RAB6A: variants seen among roughly 807,000 people sequenced by gnomAD.
RAB6A encodes RAB6A, member RAS oncogene family.
A neutral mutation model predicts 32.3 loss-of-function variants in RAB6A; 8 were observed. The ratio of observed to expected loss-of-function variants is 0.25; its 90% CI spans 0.15 to 0.45. The LOEUF (loss-of-function observed/expected upper bound fraction) is 0.45. Among genes scored for constraint, RAB6A ranks in the 20% least tolerant of loss-of-function variants. The pLI, the probability that RAB6A is intolerant of heterozygous loss-of-function variation, is 1.00. For synonymous variants in RAB6A, 73 were observed against 82.1 expected (o/e 0.89, Z 0.60); for missense variants, 104 against 249.4 (o/e 0.42, Z 3.93).
chr11:73,754,959 G>A (rs1340458749), intron 1 of RAB6A, among the ~76,000 whole-genome samples: 1 of 151,788 alleles, frequency 6.6e-6, no homozygotes, highest in South Asian at 2.1e-4. Flanking sequence ...AGTTTTGCTC[G>A]TTGCCCAGGC....
chr11:73,728,610 A>AAATAATAATGATAATAATAAT, intron 2 of RAB6A, among the ~76,000 whole-genome samples: 1 of 136,468 alleles, frequency 7.3e-6, no homozygotes, highest in Admixed American at 7.7e-5. Flanking sequence ...GTCTTTGTTT[A>AAATAATAATGATAATAATAAT]AATAATAATA....
At chr11:73,702,429 C>T (rs1945760546) in intron 6 of RAB6A, among the ~76,000 whole-genome samples, 1 of 152,208 alleles carries the variant, frequency 6.6e-6, no homozygotes, top group Non-Finnish European at 1.5e-5. Flanking sequence ...ACATCCACCT[C>T]CTGAAGTGCT....
At chr11:73,709,472 A>ATTATTTTTTTTTTTTT (rs1555058158) in intron 5 of RAB6A, among the ~76,000 whole-genome samples, 10 of 147,202 alleles carry the variant, frequency 6.8e-5, no homozygotes, top group African/African-American at 2.2e-4. Context: ...TACTATTATT[A>ATTATTTTTTTTTTTTT]TTATGACTCG....
intron 5 of RAB6A, among the ~76,000 whole-genome samples, chr11:73,710,719 A>G (rs952021558): frequency 5.9e-5 from 9 of 151,806 alleles, no homozygotes; most frequent in African/African-American, 2.2e-4. Flanking sequence ...CCTGGGCAAC[A>G]GAGAGAGACT....
chr11:73,753,978 G>T (rs1035272739), intron 1 of RAB6A, among the ~76,000 whole-genome samples: 2 of 152,314 alleles, frequency 1.3e-5, no homozygotes, highest in African/African-American at 4.8e-5. Context: ...CACTTTCTGA[G>T]CACTTCTCAT....
chr11:73,697,474 A>C (rs771140583), intron 6 of RAB6A, among the ~76,000 whole-genome samples: 47 of 152,064 alleles, frequency 3.1e-4, no homozygotes, highest in Non-Finnish European at 5.9e-4. Context: ...CAGCCTTCTA[A>C]GTAGCTGGGA....
intron 1 of RAB6A, among the ~76,000 whole-genome samples, chr11:73,750,584 T>C (rs978959947): frequency 2.0e-5 from 3 of 152,332 alleles, no homozygotes; most frequent in African/African-American, 7.2e-5. Context: ...CTCAAGCTCC[T>C]GGCCTCAAGT....
intron 6 of RAB6A, among the ~76,000 whole-genome samples, chr11:73,687,604 C>T (rs936986660): frequency 1.3e-5 from 2 of 152,154 alleles, no homozygotes; most frequent in African/African-American, 2.4e-5. Flanking sequence ...ACTCGTAATC[C>T]CAGCACTTTG....
intron 6 of RAB6A, among the ~76,000 whole-genome samples, chr11:73,696,698 C>CGA (rs1306742958): frequency 5.9e-5 from 9 of 151,966 alleles, no homozygotes. Context: ...CTCATCCACC[C>CGA]AGGCTCAACC....
chr11:73,747,698 C>T (rs893989329), intron 1 of RAB6A, among the ~76,000 whole-genome samples: 1 of 152,120 alleles, frequency 6.6e-6, no homozygotes, highest in African/African-American at 2.4e-5. Flanking sequence ...TTGGTCTCCT[C>T]TGATATGTGA....
chr11:73,681,342 T>A (rs953453578), intron 6 of RAB6A, among the ~76,000 whole-genome samples: 1 of 152,180 alleles, frequency 6.6e-6, no homozygotes. Flanking sequence ...AAAAATCTTT[T>A]AGGAGGTAAC....
intron 1 of RAB6A, among the ~76,000 whole-genome samples, chr11:73,747,683 T>C (rs987880076): frequency 6.6e-6 from 1 of 152,188 alleles, no homozygotes; most frequent in Non-Finnish European, 1.5e-5. Flanking sequence ...AGCTGTCATG[T>C]CTCCTTGGTC....
chr11:73,685,885 CAAAAAAAA>C (rs56270679), intron 6 of RAB6A, among the ~76,000 whole-genome samples: 4 of 103,026 alleles, frequency 3.9e-5, no homozygotes, highest in Admixed American at 1.0e-4. Flanking sequence ...AACTCCGTCT[CAAAAAAAA>C]AAAAAAAAAA....
At chr11:73,703,770 T>C (rs962119974) in intron 6 of RAB6A, among the ~76,000 whole-genome samples, 70 of 144,604 alleles carry the variant, frequency 4.8e-4, no homozygotes, top group Non-Finnish European at 3.0e-4. Context: ...AAAAACAATC[T>C]AAATTAAAAG....
chr11:73,745,802 A>C (rs1168054169), intron 1 of RAB6A, among the ~76,000 whole-genome samples: 1 of 152,116 alleles, frequency 6.6e-6, no homozygotes, highest in African/African-American at 2.4e-5. Flanking sequence ...ACTGGACTCC[A>C]GCCTGGGTGA....
chr11:73,686,157 G>T (rs1019338237), intron 6 of RAB6A, among the ~76,000 whole-genome samples: 1 of 152,128 alleles, frequency 6.6e-6, no homozygotes, highest in African/African-American at 2.4e-5. Flanking sequence ...CCTTACTTAG[G>T]AATATCTAGA....
At chr11:73,730,726 A>G in intron 2 of RAB6A, 39 bp downstream of exon 2, 1 of 1,492,888 alleles carries the variant, frequency 6.7e-7, no homozygotes, top group Non-Finnish European at 9.2e-7. Context: ...TACTTGTAAC[A>G]AAAAATAGAC....
chr11:73,741,398 A>G (rs1210660654), intron 1 of RAB6A, among the ~76,000 whole-genome samples: 1 of 152,166 alleles, frequency 6.6e-6, no homozygotes, highest in Non-Finnish European at 1.5e-5. Flanking sequence ...TCGGCCTCCC[A>G]AAGTGCTAAG....
In RAB6A at chr11:73,760,705, G is replaced by A; in HGVS notation, c.-70C>T. 2 of 1,552,240 alleles carry A rather than the reference G, an allele frequency of 1.3e-6. No homozygotes were observed. Among genetic ancestry groups the A allele is most frequent in the East Asian group, 4.8e-5 (2 of 41,670 alleles). On this transcript the variant is annotated 5_prime_UTR_variant, in exon 1 of 8. Coordinates refer to ENST00000336083, the MANE Select transcript of RAB6A (RefSeq NM_198896.2). The stretch of plus-strand genomic sequence containing the variant: ...CGGACCGATGCTGCTCCAGCCAGCT[G>A]ACGAAAAAGGCGAGCGGAAGGGCGG...
Sources: gnomAD v4.1 joint callset for allele counts (sites outside exome capture counted in the v4.1 genomes callset) on GRCh38, gnomAD v4.1.1 for gene constraint, MANE v1.5 for transcripts, NCBI Gene and HGNC (gene_info 2026-07-23, HGNC 2026-07-21) for gene names.